The following KIF26B variants were observed in gnomAD, a reference collection of about 807,000 sequenced individuals.
KIF26B encodes kinesin-like protein KIF26B.
KIF26B carries 63 observed loss-of-function variants against 151.2 expected under a neutral mutation model. The observed-to-expected ratio is 0.42, with a 90% CI of 0.34 to 0.51. KIF26B has a LOEUF of 0.51. Ranked by LOEUF, KIF26B falls within the 20% of genes least tolerant of loss-of-function variation. The pLI is 0.07. For missense variants in KIF26B, 2,813 were observed against 2,913.6 expected (o/e 0.97, Z 0.79); for synonymous variants, 1,357 against 1,262.1 (o/e 1.08, Z -1.59).
rs1322353695 is a variant in KIF26B, at chr1:245,686,675, T to TCATCAGCAG, written c.3700_3708dup (p.Ser1234_Ser1236dup). 3 of 1,612,290 alleles carry TCATCAGCAG rather than the reference T, an allele frequency of 1.9e-6. No individual in the cohort carries two copies. Among genetic ancestry groups the TCATCAGCAG allele is most frequent in the Admixed American group, 1.7e-5 (1 of 59,872 alleles). The stretch of plus-strand genomic sequence containing the variant: ...GCCTCGGGCTCGCGGCCCGTCAGCA[T>TCATCAGCAG]CATCAGCAGCATCAGCGAGGACCTG... On this transcript the variant is annotated inframe_insertion, in exon 12 of 15. Coordinates refer to ENST00000407071, the MANE Select transcript of KIF26B (RefSeq NM_018012.4). The surrounding 1 kb of genome is among the most constrained non-coding windows in gnomAD (Gnocchi z 5.6).
At chr1:245,207,954 T>C (rs1057033543) in intron 2 of KIF26B, among the ~76,000 whole-genome samples, 2 of 152,222 alleles carry the variant, frequency 1.3e-5, no homozygotes, top group African/African-American at 4.8e-5. Flanking sequence ...TTCCTTTTGC[T>C]GTCTGGCTGC....
chr1:245,636,224 T>C lies in KIF26B; in HGVS notation c.2099-9897T>C, dbSNP rs547449432. On this transcript the variant is annotated intron_variant, in intron 9 of 14. Transcript: ENST00000407071. ...TGGGGGTATTTGAAATTGCCAACTA[T>C]AATTAAAGACTTGTCTGTTTCTTCA... Among the ~76,000 whole-genome samples the C allele has an allele frequency of 5.9e-4, 90 of 152,290 alleles. 1 individual carries two copies. Among genetic ancestry groups the C allele is most frequent in the South Asian group, 4.6e-3 (22 of 4,828 alleles).
At chr1:245,278,133 G>C (rs966668351) in intron 2 of KIF26B, among the ~76,000 whole-genome samples, 5 of 152,118 alleles carry the variant, frequency 3.3e-5, no homozygotes, top group African/African-American at 1.2e-4. Context: ...AACTGTACCT[G>C]CATTAGAGTG....
At chr1:245,561,428 C>A (rs1437885213) in intron 5 of KIF26B, among the ~76,000 whole-genome samples, 3 of 152,110 alleles carry the variant, frequency 2.0e-5, no homozygotes, top group African/African-American at 7.2e-5. Flanking sequence ...TTCTAAGGGG[C>A]CAGGTTGGGT....
intron 4 of KIF26B, among the ~76,000 whole-genome samples, chr1:245,491,148 T>C (rs1386637981): frequency 6.6e-6 from 1 of 152,108 alleles, no homozygotes. Context: ...CTTTTTTTTT[T>C]AAGACAGCAT....
At chr1:245,579,877 T>C (rs901284026) in intron 5 of KIF26B, among the ~76,000 whole-genome samples, 1 of 151,720 alleles carries the variant, frequency 6.6e-6, no homozygotes, top group East Asian at 1.9e-4. Context: ...AGAGCTTTGA[T>C]TTTCATGAAT....
At position 245,687,925 on chromosome 1, in the gene KIF26B, G is replaced by A. The variant is rs758981542; in HGVS notation, c.4942G>A (p.Ala1648Thr). The change falls in exon 12 of 15, where the codon GCC (alanine) becomes ACC (threonine). Residue 1648 changes from alanine (A) to threonine (T), a missense_variant. Physicochemically the swap from Ala to Thr is moderately conservative, Grantham distance 58. Around this residue, in one of 3 missense-constraint regions of KIF26B, gnomAD observed 2,060 missense variants for 2,088.6 expected, o/e 0.99. Transcript: ENST00000407071. This position sits in a 1 kb window ranked among gnomAD's most constrained non-coding sequence, Gnocchi z 4.9. ...CGAGCCTAGCGGCAAGACGAAGGAC[G>A]CCAGCAGCAGCAGCAAGCTCTTCAG... is the stretch of plus-strand genomic sequence containing the variant. The part of the protein sequence containing the change: ...PDEPSGKTKD[A>T]SSSSKLFSAK... 2.5e-6 allele frequency: 4 copies of A among 1,593,700 alleles called. No homozygotes were observed. Among genetic ancestry groups the A allele is most frequent in the Non-Finnish European group, 3.4e-6 (4 of 1,172,112 alleles).
At position 245,516,085 on chromosome 1, in the gene KIF26B, C is replaced by T. The variant is rs1204859177; in HGVS notation, c.1167-24682C>T. On this transcript the variant is annotated intron_variant, in intron 4 of 14. Coordinates refer to ENST00000407071, the MANE Select transcript of KIF26B (RefSeq NM_018012.4). The surrounding 1 kb of genome is among the most constrained non-coding windows in gnomAD (Gnocchi z 4.2). ...TATTTGGATTCTATTCTGCTTCTCC[C>T]CTGAGTTTGTTTTCACGGTGGGACT... 6.6e-6 allele frequency among the ~76,000 whole-genome samples: 1 copy of T among 152,004 alleles called. No individual in the cohort carries two copies. The highest frequency in any genetic ancestry group is 2.4e-5 in the African/African-American group (1 of 41,386).
intron 2 of KIF26B, among the ~76,000 whole-genome samples, chr1:245,191,700 G>A (rs766086511): frequency 1.1e-4 from 17 of 152,132 alleles, no homozygotes; most frequent in Non-Finnish European, 2.4e-4. Context: ...TTACAACGAA[G>A]CATGAATATC....
In KIF26B at chr1:245,244,618, C is replaced by T. The variant is rs1476543624; in HGVS notation, c.465+87935C>T. Among the ~76,000 whole-genome samples, 3 of 151,808 alleles carry T rather than the reference C, an allele frequency of 2.0e-5. No homozygotes were observed. Among genetic ancestry groups the T allele is most frequent in the South Asian group, 2.1e-4 (1 of 4,810 alleles). On this transcript the variant is annotated intron_variant, in intron 2 of 14. Transcript: ENST00000407071. The surrounding 1 kb of genome is among the most constrained non-coding windows in gnomAD (Gnocchi z 4.2). ...GAAGACTCATGAAATGGCAAGAGAC[C>T]CTCCCCTCCCCTGACTTCCAATGTG... is the stretch of plus-strand genomic sequence containing the variant.
chr1:245,360,039 A>C (rs1430708822), intron 2 of KIF26B, among the ~76,000 whole-genome samples: 2 of 151,248 alleles, frequency 1.3e-5, no homozygotes, highest in African/African-American at 4.9e-5. Flanking sequence ...TGCCCGGCTA[A>C]TTTTTTTATT....
rs1345417064 is a variant in KIF26B at position 245,512,928 on chromosome 1, AC to A, written c.1167-27836del. Among the ~76,000 whole-genome samples, 1 of 152,142 alleles carries A rather than the reference AC, an allele frequency of 6.6e-6. No homozygotes were observed. Among genetic ancestry groups the A allele is most frequent in the Non-Finnish European group, 1.5e-5 (1 of 68,020 alleles). On this transcript the variant is annotated intron_variant, in intron 4 of 14. Coordinates refer to ENST00000407071, the MANE Select transcript of KIF26B (RefSeq NM_018012.4). The surrounding 1 kb of genome is among the most constrained non-coding windows in gnomAD (Gnocchi z 4.3). The stretch of plus-strand genomic sequence containing the variant: ...TGACTAAAAACAGAATAATTTTCTT[AC>A]CCAAATTCCAGTTCTCATCCTTGTT...
At chr1:245,494,628 A>T (rs1660475957) in intron 4 of KIF26B, among the ~76,000 whole-genome samples, 1 of 152,226 alleles carries the variant, frequency 6.6e-6, no homozygotes, top group Non-Finnish European at 1.5e-5. Flanking sequence ...AGGCACTGGA[A>T]AGATACCCAT....
chr1:245,641,129 T>C (rs1472813540), intron 9 of KIF26B, among the ~76,000 whole-genome samples: 3 of 152,128 alleles, frequency 2.0e-5, no homozygotes, highest in Non-Finnish European at 4.4e-5. Flanking sequence ...TTTTTTTCCT[T>C]CAGCACTTTG....
At chr1:245,593,868 C>G (rs2043314684) in intron 5 of KIF26B, among the ~76,000 whole-genome samples, 1 of 152,206 alleles carries the variant, frequency 6.6e-6, no homozygotes, top group Non-Finnish European at 1.5e-5. Context: ...GCCATTCTAA[C>G]TGGTGTGAGA....
chr1:245,374,345 C>T (rs1260750475), intron 3 of KIF26B, among the ~76,000 whole-genome samples: 1 of 150,876 alleles, frequency 6.6e-6, no homozygotes, highest in Non-Finnish European at 1.5e-5. Flanking sequence ...GAGGCTTTGC[C>T]GATTGTGGCT....
At chr1:245,604,965 C>T (rs2043435096) in intron 6 of KIF26B, among the ~76,000 whole-genome samples, 1 of 152,204 alleles carries the variant, frequency 6.6e-6, no homozygotes, top group African/African-American at 2.4e-5. Flanking sequence ...TGTTCAAAGT[C>T]CCTTTCCCGA....
chr1:245,519,096 G>A (rs1002247254), intron 4 of KIF26B, among the ~76,000 whole-genome samples: 3 of 152,184 alleles, frequency 2.0e-5, no homozygotes, highest in African/African-American at 4.8e-5. Context: ...AAAATATAAT[G>A]AGAGTTATTA....
intron 3 of KIF26B, among the ~76,000 whole-genome samples, chr1:245,410,114 T>C (rs958220992): frequency 6.6e-6 from 1 of 152,206 alleles, no homozygotes; most frequent in Non-Finnish European, 1.5e-5. Flanking sequence ...TGGGTTTGTG[T>C]GGGGGCTTTC....
Sources: gnomAD v4.1 joint callset for allele counts (sites outside exome capture counted in the v4.1 genomes callset) on GRCh38, gnomAD v4.1.1 for gene constraint, gnomAD v4.1.1 regional missense constraint, Gnocchi (gnomAD v3.1) non-coding constraint, MANE v1.5 for transcripts, NCBI Gene and HGNC (gene_info 2026-07-23, HGNC 2026-07-21) for gene names.